The following SULF1 variants were observed in gnomAD, a reference collection of about 807,000 sequenced individuals.
SULF1 encodes extracellular sulfatase Sulf-1.
A neutral mutation model predicts 110.5 loss-of-function variants in SULF1; 46 were observed. The observed-to-expected ratio is 0.42, with a 90% confidence interval of 0.33 to 0.53. The LOEUF is 0.53. SULF1 is among the 20% of genes least tolerant of loss of function. The pLI, the probability that SULF1 is intolerant of heterozygous loss-of-function variation, is 0.12. For missense variants in SULF1, 941 were observed against 1,094.2 expected (o/e 0.86, Z 1.98); for synonymous variants, 371 against 387.1 (o/e 0.96, Z 0.49).
rs1432635396 is a variant in SULF1, at chr8:69,586,340, C to A, written c.413-17C>A. On this transcript the variant is annotated splice_polypyrimidine_tract_variant and intron_variant, in intron 6 of 22. Transcript: ENST00000402687. ...ATCATTTTACGTGAAAAAAATAATT[C>A]TTTTTTCCCACTGCAGCCTTTTTTG... 2 of 1,540,228 alleles carry A rather than the reference C, an allele frequency of 1.3e-6. No individual in the cohort carries two copies. The highest frequency in any genetic ancestry group is 2.3e-5 in the East Asian group (1 of 42,840).
At chr8:69,623,078 CAT>C (rs1215788772) in intron 14 of SULF1, among the ~76,000 whole-genome samples, 2 of 152,202 alleles carry the variant, frequency 1.3e-5, no homozygotes, top group Admixed American at 6.5e-5. Flanking sequence ...ATCTGGTACA[CAT>C]GAGTTCTTGA....
chr8:69,657,100 T>C (rs62512197), intron 22 of SULF1, among the ~76,000 whole-genome samples: 9,124 of 152,344 alleles, frequency 0.06, 442 homozygotes, highest in African/African-American at 0.14. Flanking sequence ...TTCATGGATT[T>C]ATACTATTTA....
chr8:69,532,378 C>CT lies in SULF1; in HGVS notation c.-134+30420dup, dbSNP rs970139982. 1.2e-3 allele frequency among the ~76,000 whole-genome samples: 183 copies of CT among 148,474 alleles called. 2 individuals carry two copies. In the East Asian group the frequency reaches 0.015, roughly 12 times the overall value. On this transcript the variant is annotated intron_variant, in intron 3 of 22. Coordinates refer to ENST00000402687, the MANE Select transcript of SULF1 (RefSeq NM_001128205.2). ...TATTTGAGGAGAGAACCCTTCAATTCTTTTTTTTTTAAAGGAACTGGACAA... is the reference window on the plus strand; with the variant it reads ...TATTTGAGGAGAGAACCCTTCAATTCTTTTTTTTTTTAAAGGAACTGGACAA...
intron 13 of SULF1, among the ~76,000 whole-genome samples, chr8:69,607,261 C>A (rs973147662): frequency 6.6e-6 from 1 of 152,206 alleles, no homozygotes; most frequent in African/African-American, 2.4e-5. Flanking sequence ...TGGTGGCCCT[C>A]AAACCATAGC....
At chr8:69,571,049 G>A (rs1805193473) in intron 5 of SULF1, among the ~76,000 whole-genome samples, 1 of 152,228 alleles carries the variant, frequency 6.6e-6, no homozygotes, top group African/African-American at 2.4e-5. Flanking sequence ...TTTTTGCTTA[G>A]GGTGAGGAGT....
intron 3 of SULF1, among the ~76,000 whole-genome samples, chr8:69,510,917 T>G (rs1045419999): frequency 2.0e-5 from 3 of 150,178 alleles, no homozygotes; most frequent in Non-Finnish European, 4.4e-5. Context: ...ATGCCCAGCC[T>G]GATAATAATG....
At chr8:69,531,815 C>T (rs16936018) in intron 3 of SULF1, among the ~76,000 whole-genome samples, 12,264 of 152,054 alleles carry the variant, frequency 0.081, 992 homozygotes, top group East Asian at 0.41. Flanking sequence ...CGACCTTTTC[C>T]TCTTTGTTTC....
chr8:69,569,819 T>C (rs1287364943), intron 5 of SULF1, among the ~76,000 whole-genome samples: 1 of 152,178 alleles, frequency 6.6e-6, no homozygotes, highest in Non-Finnish European at 1.5e-5. Flanking sequence ...TATTATCTTC[T>C]CTTTTTTCCC....
At chr8:69,531,030 C>A (rs1813045138) in intron 3 of SULF1, among the ~76,000 whole-genome samples, 1 of 152,130 alleles carries the variant, frequency 6.6e-6, no homozygotes, top group Non-Finnish European at 1.5e-5. Flanking sequence ...ATGATTATCC[C>A]ATTTTACAAA....
chr8:69,589,219 C>G, intron 8 of SULF1, 78 bp downstream of exon 8: 1 of 1,385,486 alleles, frequency 7.2e-7, no homozygotes, highest in Non-Finnish European at 9.9e-7. Context: ...CTCCTTTACC[C>G]CGTTTCCTTC....
intron 1 of SULF1, among the ~76,000 whole-genome samples, chr8:69,469,764 G>A (rs1396512258): frequency 6.6e-6 from 1 of 152,160 alleles, no homozygotes; most frequent in Non-Finnish European, 1.5e-5. Context: ...TCCTAGGACC[G>A]GGCACAGTGG....
In SULF1 at chr8:69,626,524, T is replaced by C. The variant is rs368087835; in HGVS notation, c.1851-686T>C. Among the ~76,000 whole-genome samples, 369 of 152,330 alleles carry C rather than the reference T, an allele frequency of 2.4e-3. 1 individual carries two copies. The highest frequency in any genetic ancestry group is 8.1e-3 in the East Asian group (42 of 5,160). On this transcript the variant is annotated intron_variant, in intron 15 of 22. Coordinates refer to ENST00000402687, the MANE Select transcript of SULF1 (RefSeq NM_001128205.2). ...GGGTGGTCGATGGGACTGGGAGCCA[T>C]AGAGCAGGGGGTGGTGCTCGTCGGG...
chr8:69,532,418 T>C (rs1813150135), intron 3 of SULF1, among the ~76,000 whole-genome samples: 1 of 152,114 alleles, frequency 6.6e-6, no homozygotes, highest in African/African-American at 2.4e-5. Context: ...ATGAATGTAA[T>C]AGATCCATTA....
intron 1 of SULF1, among the ~76,000 whole-genome samples, chr8:69,495,476 GC>G (rs1191318016): frequency 1.3e-5 from 2 of 151,950 alleles, no homozygotes; most frequent in African/African-American, 4.8e-5. Flanking sequence ...ATGTTCTAAT[GC>G]CCCCCAAGAA....
intron 5 of SULF1, among the ~76,000 whole-genome samples, chr8:69,575,460 A>T (rs530160486): frequency 3.3e-4 from 50 of 152,308 alleles, no homozygotes; most frequent in Non-Finnish European, 5.7e-4. Flanking sequence ...TTTTTTAATT[A>T]TTATTAAACA....
intron 13 of SULF1, among the ~76,000 whole-genome samples, chr8:69,610,247 T>C (rs1808538033): frequency 6.6e-6 from 1 of 152,240 alleles, no homozygotes; most frequent in African/African-American, 2.4e-5. Flanking sequence ...AGAATGTAGT[T>C]TGTTGAGTGG....
intron 8 of SULF1, among the ~76,000 whole-genome samples, chr8:69,599,558 C>T (rs991844691): frequency 1.6e-4 from 25 of 152,182 alleles, no homozygotes; most frequent in Non-Finnish European, 2.9e-5. Context: ...GCAGCTGAGA[C>T]AATTAGGTGA....
chr8:69,580,952 G>T (rs1182562772), intron 6 of SULF1, among the ~76,000 whole-genome samples: 1 of 152,032 alleles, frequency 6.6e-6, no homozygotes, highest in African/African-American at 2.4e-5. Flanking sequence ...TTTAAATGTA[G>T]AGTTCACTTA....
intron 12 of SULF1, among the ~76,000 whole-genome samples, chr8:69,604,274 A>G (rs2165451): frequency 0.15 from 23,497 of 152,044 alleles, 2,443 homozygotes; most frequent in African/African-American, 0.26. Context: ...GAGTTTCTCT[A>G]CCATCCTCCC....
Sources: allele counts gnomAD v4.1 joint callset (sites outside exome capture counted in the v4.1 genomes callset), GRCh38; gene constraint gnomAD v4.1.1; transcripts MANE v1.5; gene names NCBI Gene and HGNC (gene_info 2026-07-23, HGNC 2026-07-21).